Variants in STK32B observed in about 807,000 individuals in gnomAD.
The protein encoded by STK32B is serine/threonine-protein kinase 32B.
A neutral mutation model predicts 52.6 loss-of-function variants in STK32B; 43 were observed. That is an observed-to-expected ratio of 0.82 (90% CI 0.64 to 1.05). The LOEUF (loss-of-function observed/expected upper bound fraction) is 1.05, where lower values mean the gene tolerates loss of function less well. STK32B is among the 50% of genes least tolerant of loss of function. The pLI, the probability that STK32B is intolerant of heterozygous loss-of-function variation, is 0.00. For missense variants in STK32B, 621 were observed against 534.6 expected, an observed-to-expected ratio of 1.16 and a Z score of -1.59; for synonymous variants, 238 against 204.3, an observed-to-expected ratio of 1.17 and a Z score of -1.41.
In STK32B at chr4:5,468,008, T is replaced by C; in HGVS notation, c.1044T>C (p.Asn348=). The C allele has an allele frequency of 6.2e-7, 1 of 1,614,130 alleles. No homozygotes were observed. The highest frequency in any genetic ancestry group is 1.3e-5 in the African/African-American group (1 of 75,054). ...CACCCCTCTGTGCTCTTTGACAGAATGGACACCTGCAGCACTGTTTGGAGA... is the reference window on the plus strand; with the variant it reads ...CACCCCTCTGTGCTCTTTGACAGAACGGACACCTGCAGCACTGTTTGGAGA... ...RDGTKDSCPL[N]GHLQHCLETV... The change falls in exon 11 of 12, where the codon AAT becomes AAC. Residue 348 remains asparagine (N), a splice_region_variant and synonymous_variant. Transcript: ENST00000282908.
intron 2 of STK32B, among the ~76,000 whole-genome samples, chr4:5,143,999 T>C (rs1236939789): frequency 6.6e-6 from 1 of 152,218 alleles, no homozygotes; most frequent in Non-Finnish European, 1.5e-5. Context: ...CCGGCTGGAA[T>C]TGGGCCTCTA....
chr4:5,209,449 C>G (rs932802449), intron 3 of STK32B, among the ~76,000 whole-genome samples: 2 of 152,128 alleles, frequency 1.3e-5, no homozygotes, highest in Non-Finnish European at 2.9e-5. Flanking sequence ...TTCTCAAATA[C>G]TTAGGCTAAA....
At chr4:5,186,417 A>T (rs1246669893) in intron 3 of STK32B, among the ~76,000 whole-genome samples, 10 of 152,116 alleles carry the variant, frequency 6.6e-5, no homozygotes, top group African/African-American at 2.2e-4. Context: ...TGACATGCCA[A>T]ATGCTGTGCT....
At chr4:5,198,751 G>A (rs558487169) in intron 3 of STK32B, among the ~76,000 whole-genome samples, 2 of 152,302 alleles carry the variant, frequency 1.3e-5, no homozygotes, top group South Asian at 2.1e-4. Context: ...CTTGCACAAA[G>A]GTCTGGGAGC....
rs1356398638 is a variant in STK32B at position 5,331,462 on chromosome 4, A to G, written c.434+69A>G. On this transcript the variant is annotated intron_variant, in intron 4 of 11. Coordinates refer to ENST00000282908, the MANE Select transcript of STK32B (RefSeq NM_018401.3). ...GGCTAGGGTGTCAGGAGCAGTCTGCAGTAGTGGGGAGAGAATTTTGTCCTT... is the reference window on the plus strand; with the variant it reads ...GGCTAGGGTGTCAGGAGCAGTCTGCGGTAGTGGGGAGAGAATTTTGTCCTT... 4.7e-6 allele frequency: 7 copies of G among 1,494,604 alleles called. No individual in the cohort carries two copies. The Admixed American group carries it at 1.5e-4, about 32-fold the overall frequency. The allele number at this position is 1,494,604 out of a possible 1,614,324, so 92.6% of individuals were successfully genotyped here. A position where few individuals can be genotyped will look rare whatever the true frequency, so the allele number is the denominator to read the frequency against.
At chr4:5,266,235 A>G (rs1184000981) in intron 3 of STK32B, among the ~76,000 whole-genome samples, 3 of 152,196 alleles carry the variant, frequency 2.0e-5, no homozygotes, top group Non-Finnish European at 2.9e-5. Flanking sequence ...TTGGATTTTG[A>G]CAAACAGTAT....
At chr4:5,256,922 G>C (rs982485727) in intron 3 of STK32B, among the ~76,000 whole-genome samples, 10 of 152,362 alleles carry the variant, frequency 6.6e-5, no homozygotes, top group Middle Eastern at 3.4e-3. Context: ...AACTAGCACA[G>C]AGCAGGTACC....
intron 1 of STK32B, among the ~76,000 whole-genome samples, chr4:5,092,990 C>T (rs1713177850): frequency 6.6e-6 from 1 of 151,780 alleles, no homozygotes; most frequent in South Asian, 2.1e-4. Context: ...GAACAAACAC[C>T]ACATATGGTT....
intron 3 of STK32B, among the ~76,000 whole-genome samples, chr4:5,297,780 T>G (rs774005486): frequency 2.0e-5 from 3 of 152,142 alleles, no homozygotes; most frequent in Non-Finnish European, 2.9e-5. Context: ...AGCCTACTTC[T>G]GTCAATTCAT....
At chr4:5,312,546 T>C (rs1730371350) in intron 3 of STK32B, among the ~76,000 whole-genome samples, 1 of 152,080 alleles carries the variant, frequency 6.6e-6, no homozygotes, top group Non-Finnish European at 1.5e-5. Context: ...GTTTGGTTTT[T>C]TGTTCTTCCG....
At chr4:5,226,160 C>T (rs1378930144) in intron 3 of STK32B, among the ~76,000 whole-genome samples, 2 of 152,194 alleles carry the variant, frequency 1.3e-5, no homozygotes, top group Admixed American at 1.3e-4. Flanking sequence ...TGTAAGCAAA[C>T]CAAATCTTAA....
chr4:5,114,928 C>T (rs574175380), intron 1 of STK32B, among the ~76,000 whole-genome samples: 241 of 152,208 alleles, frequency 1.6e-3, no homozygotes, highest in Non-Finnish European at 3.0e-3. Flanking sequence ...CACCCTGACC[C>T]CATATAATGA....
chr4:5,112,710 A>C (rs1278188493), intron 1 of STK32B, among the ~76,000 whole-genome samples: 1 of 152,196 alleles, frequency 6.6e-6, no homozygotes. Flanking sequence ...ATGAACCATC[A>C]CAAAGCTAGT....
At chr4:5,025,120 C>G in the STK32B span, among the ~76,000 whole-genome samples, 3 of 145,036 alleles carry the variant, frequency 2.1e-5, no homozygotes, top group African/African-American at 8.1e-5. Context: ...AGGGGGGAAT[C>G]CTTGACACCC....
At chr4:5,362,235 C>T (rs1734591866) in intron 4 of STK32B, among the ~76,000 whole-genome samples, 1 of 152,134 alleles carries the variant, frequency 6.6e-6, no homozygotes, top group African/African-American at 2.4e-5. Context: ...TATGAAGGCA[C>T]AAATAAGTCA....
intron 1 of STK32B, among the ~76,000 whole-genome samples, chr4:5,105,398 G>A (rs748741889): frequency 4.6e-5 from 7 of 152,076 alleles, no homozygotes; most frequent in East Asian, 1.9e-4. Context: ...CCTCTTTAGC[G>A]AAATACCTAT....
At chr4:5,488,054 C>A (rs1211988938) in intron 11 of STK32B, among the ~76,000 whole-genome samples, 1 of 152,156 alleles carries the variant, frequency 6.6e-6, no homozygotes, top group African/African-American at 2.4e-5. Flanking sequence ...AATTCATAAA[C>A]AATGTACAGA....
chr4:5,275,344 A>C (rs910037132), intron 3 of STK32B, among the ~76,000 whole-genome samples: 33 of 152,306 alleles, frequency 2.2e-4, no homozygotes, highest in African/African-American at 6.5e-4. Flanking sequence ...ATGGTAGATA[A>C]TTGTTTTCCA....
At chr4:5,062,243 A>G (rs2108759127) in intron 1 of STK32B, among the ~76,000 whole-genome samples, 1 of 152,152 alleles carries the variant, frequency 6.6e-6, no homozygotes, top group East Asian at 1.9e-4. Flanking sequence ...CGATGATAAC[A>G]TATTCCTCAA....
Sources: allele counts gnomAD v4.1 joint callset (sites outside exome capture counted in the v4.1 genomes callset), GRCh38; gene constraint gnomAD v4.1.1; transcripts MANE v1.5; gene names NCBI Gene and HGNC (gene_info 2026-07-23, HGNC 2026-07-21).